The following BNIPL variants were observed in gnomAD, a reference collection of about 807,000 sequenced individuals.
BNIPL encodes BCL2 interacting protein like, also known as bcl-2/adenovirus E1B 19 kDa-interacting protein 2-like protein.
Under a neutral mutation model 47.0 loss-of-function variants are expected in BNIPL, and 33 were observed. The observed-to-expected ratio is 0.70, with a 90% CI of 0.53 to 0.94. The LOEUF (loss-of-function observed/expected upper bound fraction) is 0.94, where lower values mean the gene tolerates loss of function less well. BNIPL is among the 40% of genes least tolerant of loss of function. The pLI, the probability that BNIPL is intolerant of heterozygous loss-of-function variation, is 0.00. For missense variants in BNIPL, 404 were observed against 445.2 expected (o/e 0.91, Z 0.83); for synonymous variants, 145 against 162.7 (o/e 0.89, Z 0.83).
intron 2 of BNIPL, 49 bp from the exon 3 acceptor site, chr1:151,038,455 G>A: frequency 1.4e-6 from 2 of 1,382,370 alleles, no homozygotes. Flanking sequence ...GTCCTGGCTT[G>A]ATGCCTTTGG....
intron 2 of BNIPL, 59 bp downstream of exon 2, chr1:151,037,721 G>A: frequency 6.9e-7 from 1 of 1,444,016 alleles, no homozygotes; most frequent in Non-Finnish European, 9.5e-7. Context: ...GGACGGAGGG[G>A]ATGGCGCGGC....
In BNIPL at chr1:151,045,877, T is replaced by C; in HGVS notation, c.932T>C (p.Phe311Ser). The change falls in exon 8 of 10, where the codon TTC becomes TCC. Residue 311 changes from phenylalanine (F) to serine (S), a missense_variant. Transcript: ENST00000368931. Reference protein sequence around the residue: ...VKAFLALLRPFISSKFTRKIR... With the variant: ...VKAFLALLRPSISSKFTRKIR... ...GCATTTCTGGCACTGCTTCGGCCCT[T>C]CATCAGGTACTAGTTCTAGGAACAA... is the stretch of plus-strand genomic sequence containing the variant. 6.2e-7 allele frequency: 1 copy of C among 1,614,186 alleles called. No individual in the cohort carries two copies. Among genetic ancestry groups the C allele is most frequent in the Non-Finnish European group, 8.5e-7 (1 of 1,180,042 alleles).
At position 151,045,837 on chromosome 1, in the gene BNIPL, A is replaced by C. The variant is rs780458501; in HGVS notation, c.892A>C (p.Thr298Pro). The change falls in exon 8 of 10, where the codon ACA (threonine) becomes CCA (proline). Residue 298 changes from threonine to proline, a missense_variant. By Grantham distance (38) the Thr-to-Pro change is conservative. Transcript: ENST00000368931. ...GCGAGCCCTGGTGGTTGTCCATGCT[A>C]CATGGTATGTGAAAGCATTTCTGGC... ...NLRALVVVHA[T>P]WYVKAFLALL... The C allele has an allele frequency of 1.1e-5, 17 of 1,614,074 alleles. No homozygotes were observed. The highest frequency in any genetic ancestry group is 1.4e-5 in the Non-Finnish European group (17 of 1,180,036).
rs1365013526 is a variant in BNIPL at position 151,046,100 on chromosome 1, C to T, written c.972C>T (p.Asp324=). ...SKFTRKIRFL[D]SLGELAQLIS... is the part of the protein sequence containing the mutation. Reference sequence around the variant, plus strand: ...TCACACGAAAAATCCGTTTTCTGGACAGCCTGGGGGAGCTGGCCCAACTCA... The same window carrying T: ...TCACACGAAAAATCCGTTTTCTGGATAGCCTGGGGGAGCTGGCCCAACTCA... Residue 324 remains aspartate (D), a synonymous_variant, in exon 9 of 10, where the codon GAC becomes GAT. Transcript: ENST00000368931. 1 of 1,614,134 alleles carries T rather than the reference C, an allele frequency of 6.2e-7. No individual in the cohort carries two copies. Among genetic ancestry groups the T allele is most frequent in the Admixed American group, 1.7e-5 (1 of 60,014 alleles).
chr1:151,045,899 A>G lies in BNIPL; in HGVS notation c.938+16A>G. On this transcript the variant is annotated intron_variant, in intron 8 of 9. Coordinates refer to ENST00000368931, the MANE Select transcript of BNIPL (RefSeq NM_138278.4). ...CCTTCATCAGGTACTAGTTCTAGGA[A>G]CAAGGACTCCTTTCTCCTTCCCCCC... is the stretch of plus-strand genomic sequence containing the variant. 1 of 1,614,104 alleles carries G rather than the reference A, an allele frequency of 6.2e-7. No homozygotes were observed.
In BNIPL at chr1:151,046,076, C is replaced by G; in HGVS notation, c.948C>G (p.Phe316Leu). Residue 316 changes from phenylalanine (F) to leucine (L), a missense_variant, in exon 9 of 10, where the codon TTC (phenylalanine) becomes TTG (leucine). Transcript: ENST00000368931. ...TATTCTCTCTTTTCAGTTCCAAATT[C>G]ACACGAAAAATCCGTTTTCTGGACA... ...ALLRPFISSK[F>L]TRKIRFLDSL... The G allele has an allele frequency of 6.2e-7, 1 of 1,614,174 alleles. No individual in the cohort carries two copies.
In BNIPL at chr1:151,046,772, CAT is replaced by C; in HGVS notation, c.*86_*87del. 8.5e-7 allele frequency: 1 copy of C among 1,178,956 alleles called. No homozygotes were observed. The highest frequency in any genetic ancestry group is 1.2e-6 in the Non-Finnish European group (1 of 816,490). 73.0% of individuals were successfully genotyped at this position (1,178,956 alleles called of 1,614,324 possible). On this transcript the variant is annotated 3_prime_UTR_variant, in exon 10 of 10. Coordinates refer to ENST00000368931, the MANE Select transcript of BNIPL (RefSeq NM_138278.4). ...GAAACATCTGAACTGTTTTGTAAAT[CAT>C]CTTATCCCCAACCTCAGTACCACCG...
chr1:151,044,840 C>G, intron 7 of BNIPL: 4 of 1,290,364 alleles, frequency 3.1e-6, no homozygotes, highest in Non-Finnish European at 4.0e-6. Flanking sequence ...CTTCTTGCCC[C>G]CTTTCCTTTT....
At position 151,046,916 on chromosome 1, in the gene BNIPL, T is replaced by A. The variant is rs1676047383; in HGVS notation, c.*229T>A. The A allele has an allele frequency of 6.6e-6, 3 of 453,534 alleles. No homozygotes were observed. 28.1% of individuals were successfully genotyped at this position (453,534 alleles called of 1,614,324 possible). ...CATTCCAGTTGCTGGGACGGAAGGC[T>A]GAATGTAGGGTCATTTTGTATGGGA... On this transcript the variant is annotated 3_prime_UTR_variant, in exon 10 of 10. Transcript: ENST00000368931.
At chr1:151,044,666 G>A (rs1269549235) in intron 7 of BNIPL, among the ~76,000 whole-genome samples, 1 of 151,950 alleles carries the variant, frequency 6.6e-6, no homozygotes, top group Non-Finnish European at 1.5e-5. Context: ...TGTTTCTCAG[G>A]CCAGTCTTGA....
chr1:151,047,677 AG>A lies in BNIPL; in HGVS notation c.*992del. ...AGAGTTCTTGCCGCAGAGGTTCCTT[AG>A]GAGCACCCCGCGCGGCCCGCGCGAG... On this transcript the variant is annotated 3_prime_UTR_variant, in exon 10 of 10. Coordinates refer to ENST00000368931, the MANE Select transcript of BNIPL (RefSeq NM_138278.4). 2 of 1,129,258 alleles carry A rather than the reference AG, an allele frequency of 1.8e-6. No homozygotes were observed. The highest frequency in any genetic ancestry group is 2.4e-6 in the Non-Finnish European group (2 of 833,810). 70.0% of individuals were successfully genotyped at this position (1,129,258 alleles called of 1,614,324 possible). A position where few individuals can be genotyped will look rare whatever the true frequency, so the allele number is the denominator to read the frequency against.
At chr1:151,045,667 A>G in intron 7 of BNIPL, 130 bp from the exon 8 acceptor site, 2 of 1,492,228 alleles carry the variant, frequency 1.3e-6, no homozygotes, top group Non-Finnish European at 1.8e-6. Flanking sequence ...TGGGGATTAG[A>G]CCCAAGTACC....
chr1:151,044,803 C>T, intron 7 of BNIPL: 1 of 1,262,388 alleles, frequency 7.9e-7, no homozygotes, highest in South Asian at 1.3e-5. Flanking sequence ...CCTTTTGGTT[C>T]CCCCATCTCC....
chr1:151,039,121 G>C, intron 4 of BNIPL, 95 bp downstream of exon 4: 1 of 1,356,222 alleles, frequency 7.4e-7, no homozygotes, highest in Non-Finnish European at 9.5e-7. Context: ...GAACTAATAA[G>C]GTGGGACCAA....
chr1:151,039,051 G>A, intron 4 of BNIPL, 25 bp downstream of exon 4: 2 of 1,541,600 alleles, frequency 1.3e-6, no homozygotes, highest in East Asian at 4.5e-5. Flanking sequence ...AGAGGACTCA[G>A]CTGGTAGAAG....
In BNIPL at chr1:151,043,648, CATTTGAGTGG is replaced by C. The variant is rs1675910649; in HGVS notation, c.774_783del (p.His258GlnfsTer11). On this transcript the variant is annotated frameshift_variant, in exon 7 of 10. Transcript: ENST00000368931. LOFTEE classifies it high-confidence loss of function. ...AGTAGCTGAAAATTACCTGCTTGTTCATTTGAGTGGAGGCACAAGCAGGGCCCAAGTTCCA... is the reference window on the plus strand; with the variant it reads ...AGTAGCTGAAAATTACCTGCTTGTTCAGGCACAAGCAGGGCCCAAGTTCCA... 2.5e-6 allele frequency: 4 copies of C among 1,611,536 alleles called. No individual in the cohort carries two copies. Among genetic ancestry groups the C allele is most frequent in the Non-Finnish European group, 3.4e-6 (4 of 1,177,700 alleles).
Position 151,043,089 on chromosome 1 carries a change from C to T in BNIPL, c.567C>T (p.Arg189=), listed in dbSNP as rs775233533. ...RVFRMGPREQ[R]VDMTVIEPYK... The stretch of plus-strand genomic sequence containing the variant: ...TCCGAATGGGACCACGGGAGCAGCG[C>T]GTAGACATGACTGTCATTGAGCCCT... The change falls in exon 5 of 10, where the codon CGC becomes CGT. Residue 189 remains arginine (R), a synonymous_variant. Coordinates refer to ENST00000368931, the MANE Select transcript of BNIPL (RefSeq NM_138278.4). 57 of 1,612,372 alleles carry T rather than the reference C, an allele frequency of 3.5e-5. No homozygotes were observed. Among genetic ancestry groups the T allele is most frequent in the Middle Eastern group, 1.6e-4 (1 of 6,074 alleles).
rs1321931741 is a variant in BNIPL at position 151,043,595 on chromosome 1, G to A, written c.720-1G>A. 6.2e-7 allele frequency: 1 copy of A among 1,610,024 alleles called. No individual in the cohort carries two copies. On this transcript the variant is annotated splice_acceptor_variant, in intron 6 of 9. Transcript: ENST00000368931. LOFTEE classifies it high-confidence loss of function. Reference sequence around the variant, plus strand: ...CCTTCCCTGCAATTTCATCCCCCCAGGTATATGGTGGGAACTCTGGAGCTG... The same window carrying A: ...CCTTCCCTGCAATTTCATCCCCCCAAGTATATGGTGGGAACTCTGGAGCTG...
At chr1:151,042,117 C>G (rs1675844603) in intron 4 of BNIPL, among the ~76,000 whole-genome samples, 1 of 151,938 alleles carries the variant, frequency 6.6e-6, no homozygotes, top group East Asian at 1.9e-4. Context: ...AAGTCTCACT[C>G]TGTCACCCAG....
Sources: gnomAD v4.1 joint callset for allele counts (sites outside exome capture counted in the v4.1 genomes callset) on GRCh38, gnomAD v4.1.1 for gene constraint, MANE v1.5 for transcripts, NCBI Gene and HGNC (gene_info 2026-07-23, HGNC 2026-07-21) for gene names.